Variants in CUX1 observed in about 807,000 individuals in gnomAD.
CUX1 encodes protein CASP.
CUX1 carries 31 observed loss-of-function variants against 158.8 expected under a neutral mutation model. The observed-to-expected ratio is 0.20, with a 90% CI of 0.15 to 0.26. The LOEUF (loss-of-function observed/expected upper bound fraction) is 0.26. CUX1 is among the 10% of genes least tolerant of loss of function. The probability of loss-of-function intolerance (pLI) is 1.00; values close to 1 mark genes in which losing one functional copy is unlikely to be tolerated. For synonymous variants in CUX1, 879 were observed against 862.1 expected (o/e 1.02, Z -0.34); for missense variants, 1,589 against 2,014.6 (o/e 0.79, Z 4.04).
chr7:102,127,963 T>C (rs1389912974), intron 8 of CUX1, among the ~76,000 whole-genome samples: 1 of 152,240 alleles, frequency 6.6e-6, no homozygotes, highest in Admixed American at 6.5e-5. Flanking sequence ...TTCTTCTGCC[T>C]CGGCCTCCTG....
At chr7:101,923,788 C>T (rs571614850) in intron 2 of CUX1, among the ~76,000 whole-genome samples, 6 of 152,352 alleles carry the variant, frequency 3.9e-5, no homozygotes, top group South Asian at 2.1e-4. Flanking sequence ...CCCTGACTGT[C>T]GGAGACGCCT....
At chr7:102,247,393 C>G (rs1369406387) in intron 23 of CUX1, among the ~76,000 whole-genome samples, 1 of 152,234 alleles carries the variant, frequency 6.6e-6, no homozygotes, top group Non-Finnish European at 1.5e-5. Flanking sequence ...GGCAGTTTCA[C>G]TGATGAACTC....
intron 1 of CUX1, among the ~76,000 whole-genome samples, chr7:101,898,213 C>T (rs1255021212): frequency 6.6e-6 from 1 of 152,140 alleles, no homozygotes; most frequent in Admixed American, 6.5e-5. Flanking sequence ...ATCTAAGTCT[C>T]AAGTAGTACA....
chr7:102,042,782 G>T (rs1822271856), intron 3 of CUX1, among the ~76,000 whole-genome samples: 1 of 151,898 alleles, frequency 6.6e-6, no homozygotes, highest in Non-Finnish European at 1.5e-5. Context: ...AGTGTATAAT[G>T]TGATGGTTTG....
chr7:102,107,620 G>A lies in CUX1; in HGVS notation c.530+3161G>A, dbSNP rs191535558. Among the ~76,000 whole-genome samples the A allele has an allele frequency of 2.7e-3, 412 of 152,270 alleles. 1 individual carries two copies. The highest frequency in any genetic ancestry group is 3.1e-3 in the Non-Finnish European group (214 of 68,012). ...GCCCTCCCTGCATCAGAACTTGGCC[G>A]TAGGCTTTCAGTACATTCTCTCACT... On this transcript the variant is annotated intron_variant, in intron 6 of 23. Transcript: ENST00000292535.
intron 21 of CUX1, among the ~76,000 whole-genome samples, chr7:102,228,618 G>A (rs1229039787): frequency 6.6e-6 from 1 of 152,122 alleles, no homozygotes; most frequent in Non-Finnish European, 1.5e-5. Context: ...GGGCAGCATG[G>A]CAAAACCCTA....
At chr7:102,043,198 A>G (rs1236824298) in intron 3 of CUX1, among the ~76,000 whole-genome samples, 1 of 151,864 alleles carries the variant, frequency 6.6e-6, no homozygotes, top group African/African-American at 2.4e-5. Flanking sequence ...CGATCCTCCC[A>G]CCTCATTCTC....
intron 1 of CUX1, among the ~76,000 whole-genome samples, chr7:101,886,346 G>GTC (rs1800226352): frequency 1.3e-5 from 2 of 151,948 alleles, no homozygotes; most frequent in Admixed American, 6.6e-5. Flanking sequence ...GGTGTGCGCC[G>GTC]CCATGCCCAA....
At chr7:102,045,302 A>T (rs1200747006) in intron 3 of CUX1, among the ~76,000 whole-genome samples, 1 of 152,216 alleles carries the variant, frequency 6.6e-6, no homozygotes, top group Non-Finnish European at 1.5e-5. Flanking sequence ...TTTCAGTCAG[A>T]TATGTTGAGG....
intron 1 of CUX1, among the ~76,000 whole-genome samples, chr7:101,870,766 T>G (rs538589553): frequency 3.1e-4 from 47 of 152,380 alleles, no homozygotes; most frequent in African/African-American, 1.1e-3. Flanking sequence ...CTTTGTGGTC[T>G]AGTTTTCATT....
intron 11 of CUX1, among the ~76,000 whole-genome samples, chr7:102,180,489 C>T (rs1300155838): frequency 6.6e-6 from 1 of 151,834 alleles, no homozygotes; most frequent in Non-Finnish European, 1.5e-5. Context: ...CCACACCCAG[C>T]TAGTTTTTTA....
intron 1 of CUX1, among the ~76,000 whole-genome samples, chr7:101,843,042 T>G (rs1795333011): frequency 6.7e-6 from 1 of 150,024 alleles, no homozygotes; most frequent in South Asian, 2.1e-4. Flanking sequence ...ATTTTTTGTA[T>G]TTTTTAGTAC....
chr7:101,964,028 C>T (rs984132867), intron 2 of CUX1, among the ~76,000 whole-genome samples: 1 of 151,930 alleles, frequency 6.6e-6, no homozygotes, highest in African/African-American at 2.4e-5. Context: ...GTCGGGAGAT[C>T]GGGTGTTCTT....
intron 12 of CUX1, among the ~76,000 whole-genome samples, chr7:102,193,511 A>G (rs1483156620): frequency 2.0e-5 from 3 of 152,248 alleles, no homozygotes; most frequent in Non-Finnish European, 4.4e-5. Context: ...TGTCAAAGGT[A>G]TAAGTAGAAA....
At chr7:102,097,647 G>C (rs920192392) in intron 5 of CUX1, 146 bp downstream of exon 5, 1 of 820,244 alleles carries the variant, frequency 1.2e-6, no homozygotes, top group African/African-American at 1.7e-5. Flanking sequence ...AATCTGAGTC[G>C]TTAAAGAGAG....
At chr7:102,058,467 G>A (rs1044749352) in intron 3 of CUX1, among the ~76,000 whole-genome samples, 1 of 151,564 alleles carries the variant, frequency 6.6e-6, no homozygotes, top group Non-Finnish European at 1.5e-5. Context: ...ATTTTTAGTA[G>A]AGACAGGGTT....
At chr7:102,043,503 C>T (rs1453368463) in intron 3 of CUX1, among the ~76,000 whole-genome samples, 2 of 152,076 alleles carry the variant, frequency 1.3e-5, no homozygotes, top group Non-Finnish European at 2.9e-5. Flanking sequence ...TTACCCTTTT[C>T]AAGGACTGGG....
chr7:102,253,142 C>G lies in CUX1; in HGVS notation c.*4100C>G. On this transcript the variant is annotated 3_prime_UTR_variant, in exon 24 of 24. Transcript: ENST00000292535. ...TCCTGTCGCCATCTTTGTTTTCTTC[C>G]CATTGAAAAACCATCCTGTCTGATG... is the stretch of plus-strand genomic sequence containing the variant. 1 of 985,530 alleles carries G rather than the reference C, an allele frequency of 1.0e-6. No homozygotes were observed. The highest frequency in any genetic ancestry group is 1.2e-6 in the Non-Finnish European group (1 of 830,000). 61.0% of individuals were successfully genotyped at this position (985,530 alleles called of 1,614,324 possible).
chr7:102,233,931 T>A (rs1674062700), intron 21 of CUX1, 121 bp from the exon 22 acceptor site: 5 of 654,032 alleles, frequency 7.6e-6, no homozygotes, highest in Non-Finnish European at 1.2e-5. Flanking sequence ...AGCTAGGATG[T>A]CACCAGCCCA....
Sources: gnomAD v4.1 joint callset for allele counts (sites outside exome capture counted in the v4.1 genomes callset) on GRCh38, gnomAD v4.1.1 for gene constraint, MANE v1.5 for transcripts, NCBI Gene and HGNC (gene_info 2026-07-23, HGNC 2026-07-21) for gene names.